Variants in TUT7 observed in about 807,000 individuals in gnomAD.
TUT7 encodes terminal uridylyl transferase 7, also known as terminal uridylyltransferase 7.
In TUT7, 33 loss-of-function variants were observed where a neutral mutation model predicts 165.9. The ratio of observed to expected loss-of-function variants is 0.20; its 90% CI spans 0.15 to 0.27. TUT7 has a LOEUF of 0.27. Ranked by LOEUF, TUT7 falls within the 10% of genes least tolerant of loss-of-function variation. The probability of loss-of-function intolerance (pLI) is 1.00; values close to 1 mark genes in which losing one functional copy is unlikely to be tolerated. For synonymous variants in TUT7, 552 were observed against 608.1 expected (o/e 0.91, Z 1.36); for missense variants, 1,338 against 1,762.3 (o/e 0.76, Z 4.31).
At chr9:86,309,842 T>C (rs1827858876) in intron 19 of TUT7, 86 bp downstream of exon 19, 2 of 1,330,026 alleles carry the variant, frequency 1.5e-6, no homozygotes, top group Non-Finnish European at 1.1e-6. Flanking sequence ...ATGACTACAG[T>C]TCATTAAAAA....
At position 86,322,465 on chromosome 9, in the gene TUT7, A is replaced by G. The variant is rs1829399961; in HGVS notation, c.2888T>C (p.Val963Ala). ...LIFTKGKSPT[V>A]VCSLCKREGH... is the part of the protein sequence containing the mutation. The stretch of plus-strand genomic sequence containing the variant: ...CTCTCGTTTGCATAAGCTGCACACT[A>G]CCGTAGGAGACTGCAGGAATATGGC... The change falls in exon 14 of 27, where the codon GTA becomes GCA. Residue 963 changes from valine (V) to alanine (A), a missense_variant. Val to Ala is a moderately conservative substitution (Grantham distance 64). Transcript: ENST00000375963. 6.2e-7 allele frequency: 1 copy of G among 1,609,024 alleles called. No individual in the cohort carries two copies. Among genetic ancestry groups the G allele is most frequent in the Non-Finnish European group, 8.5e-7 (1 of 1,178,708 alleles).
chr9:86,352,382 T>C (rs1473335155), intron 2 of TUT7, among the ~76,000 whole-genome samples: 1 of 152,246 alleles, frequency 6.6e-6, no homozygotes, highest in Non-Finnish European at 1.5e-5. Flanking sequence ...TATGGTCCCC[T>C]GGAGCATATA....
intron 17 of TUT7, 65 bp downstream of exon 17, chr9:86,317,154 G>A: frequency 2.1e-6 from 3 of 1,422,090 alleles, no homozygotes; most frequent in South Asian, 2.3e-5. Context: ...GGATACCAAG[G>A]GAAGACTATA....
Position 86,345,739 on chromosome 9 carries a change from TCA to T in TUT7, c.747_748del (p.Cys249Ter). The T allele has an allele frequency of 6.2e-7, 1 of 1,613,746 alleles. No homozygotes were observed. Among genetic ancestry groups the T allele is most frequent in the Non-Finnish European group, 8.5e-7 (1 of 1,179,796 alleles). On this transcript the variant is annotated stop_gained and frameshift_variant, in exon 4 of 27. Transcript: ENST00000375963. LOFTEE classifies it high-confidence loss of function. ...AAATGCAATGGATTCAATTAAAACA[TCA>T]CAGAGTCTGCAGGTGTACTTTGCTG...
At chr9:86,322,300 A>G (rs1564063928) in intron 14 of TUT7, 25 bp downstream of exon 14, 1 of 1,597,208 alleles carries the variant, frequency 6.3e-7, no homozygotes, top group Admixed American at 1.7e-5. Flanking sequence ...ATTTTGACAA[A>G]TCAAAAGAAA....
At chr9:86,335,894 A>G (rs942366325) in intron 10 of TUT7, among the ~76,000 whole-genome samples, 4 of 152,198 alleles carry the variant, frequency 2.6e-5, no homozygotes, top group African/African-American at 7.2e-5. Context: ...TTGAACAAAC[A>G]TGATCCAATC....
chr9:86,340,018 A>G lies in TUT7; in HGVS notation c.1208+18T>C, dbSNP rs373375484. Reference sequence around the variant, plus strand: ...GCAAGTTGAGAGTTAGTAAATAAACAGTTTAAAGAAATGAGACCTTTGCTT... The same window carrying G: ...GCAAGTTGAGAGTTAGTAAATAAACGGTTTAAAGAAATGAGACCTTTGCTT... On this transcript the variant is annotated intron_variant, in intron 8 of 26. Transcript: ENST00000375963. 31 of 1,606,200 alleles carry G rather than the reference A, an allele frequency of 1.9e-5. No individual in the cohort carries two copies. Among genetic ancestry groups the G allele is most frequent in the Non-Finnish European group, 2.2e-5 (26 of 1,173,026 alleles).
At position 86,338,211 on chromosome 9, in the gene TUT7, T is replaced by C. The variant is rs1053933259; in HGVS notation, c.1335+612A>G. Among the ~76,000 whole-genome samples, 98 of 136,938 alleles carry C rather than the reference T, an allele frequency of 7.2e-4. 1 individual carries two copies. The highest frequency in any genetic ancestry group is 2.6e-3 in the African/African-American group (93 of 36,034). The allele number at this position is 136,938 out of a possible 152,430, so 89.8% of individuals were successfully genotyped here. A position where few individuals can be genotyped will look rare whatever the true frequency, so the allele number is the denominator to read the frequency against. On this transcript the variant is annotated intron_variant, in intron 9 of 26. Transcript: ENST00000375963. ...TCTAAAAGCACATACATGGAATCTC[T>C]TTTTTTTTTTTTTTTTTTGAGACAG...
At position 86,323,374 on chromosome 9, in the gene TUT7, G is replaced by A; in HGVS notation, c.2376C>T (p.Phe792=). ...CACACTCTTTAGCTGTGGGATTTTG[G>A]AAGCCTTCTAAATCCAAAGTGCTCT... ...ESESTLDLEG[F]QNPTAKECEG... is the part of the protein sequence containing the mutation. The change falls in exon 13 of 27, where the codon TTC becomes TTT. Residue 792 remains phenylalanine (F), a synonymous_variant. Transcript: ENST00000375963. 6.2e-7 allele frequency: 1 copy of A among 1,614,028 alleles called. No individual in the cohort carries two copies. The highest frequency in any genetic ancestry group is 8.5e-7 in the Non-Finnish European group (1 of 1,180,012).
In TUT7 at chr9:86,322,399, A is replaced by T. The variant is rs1320129885; in HGVS notation, c.2954T>A (p.Ile985Asn). ...TAATGGTGGCAGAGGTTCTAGCTGG[A>T]TTCTTTTGAAGTCTTCAGGACAGTC... Reference protein sequence around the residue: ...KKDCPEDFKRIQLEPLPPLTP... With the variant: ...KKDCPEDFKRNQLEPLPPLTP... Residue 985 changes from isoleucine (I) to asparagine (N), a missense_variant, in exon 14 of 27, where the codon ATC becomes AAC. Physicochemically the swap from Ile to Asn is moderately radical, Grantham distance 149. Coordinates refer to ENST00000375963, the MANE Select transcript of TUT7 (RefSeq NM_024617.4). The T allele has an allele frequency of 3.1e-6, 5 of 1,614,030 alleles. No individual in the cohort carries two copies. Among genetic ancestry groups the T allele is most frequent in the Non-Finnish European group, 4.2e-6 (5 of 1,179,996 alleles).
intron 22 of TUT7, among the ~76,000 whole-genome samples, chr9:86,305,487 C>T (rs1223596325): frequency 6.6e-6 from 1 of 152,166 alleles, no homozygotes; most frequent in African/African-American, 2.4e-5. Context: ...TTTTCCACTA[C>T]ACTGTTCATC....
At chr9:86,292,281 AAGGAGT>A (rs1430875912) in intron 26 of TUT7, among the ~76,000 whole-genome samples, 1 of 152,110 alleles carries the variant, frequency 6.6e-6, no homozygotes, top group African/African-American at 2.4e-5. Flanking sequence ...AACATATGTT[AAGGAGT>A]ACATATGAAA....
Position 86,301,490 on chromosome 9 carries a change from C to T in TUT7, c.4206G>A (p.Glu1402=), listed in dbSNP as rs748574509. ...TGGGCTTATCTTCTTTTGTTGACAC[C>T]TCCCTTTCTGTGTACTTGTTGTGAA... is the stretch of plus-strand genomic sequence containing the variant. ...KEIHNKYTER[E]VSTKEDKPIQ... Residue 1402 remains glutamate (E), a synonymous_variant, in exon 26 of 27, where the codon GAG becomes GAA. Transcript: ENST00000375963. The T allele has an allele frequency of 5.0e-6, 8 of 1,613,924 alleles. No individual in the cohort carries two copies. In the African/African-American group the frequency reaches 1.1e-4, roughly 22 times the overall value.
Position 86,346,444 on chromosome 9 carries a change from C to T in TUT7, c.557G>A (p.Arg186Gln), listed in dbSNP as rs201715276. 146 of 1,613,984 alleles carry T rather than the reference C, an allele frequency of 9.0e-5. 1 individual carries two copies. In the East Asian group the frequency reaches 3.1e-3, roughly 34 times the overall value. The change falls in exon 3 of 27, where the codon CGG becomes CAG. Residue 186 changes from arginine (R) to glutamine (Q), a missense_variant. By Grantham distance (43) the Arg-to-Gln change is conservative. Coordinates refer to ENST00000375963, the MANE Select transcript of TUT7 (RefSeq NM_024617.4). ...CTCATTTTCCTCATTTCTAGTCTTCCGTGGCTTCCTAGGTCTGGACCTCTG... is the reference window on the plus strand; with the variant it reads ...CTCATTTTCCTCATTTCTAGTCTTCTGTGGCTTCCTAGGTCTGGACCTCTG... Reference protein sequence around the residue: ...KKQRSRPRKPRKTRNEENEQD... With the variant: ...KKQRSRPRKPQKTRNEENEQD...
At chr9:86,341,205 A>G in intron 6 of TUT7, 152 bp from the exon 7 acceptor site, 1 of 673,230 alleles carries the variant, frequency 1.5e-6, no homozygotes, top group South Asian at 1.6e-5. Context: ...TTGTTTGCAT[A>G]TGTCAGTCAA....
rs1564033881 is a variant in TUT7 at position 86,305,259 on chromosome 9, A to G, written c.3839-20T>C. ...AGGGATCTAAGCAAAAAAATTTAAG[A>G]GCAAATAAGGTAATCAAATAGAAAA... On this transcript the variant is annotated intron_variant, in intron 22 of 26. Coordinates refer to ENST00000375963, the MANE Select transcript of TUT7 (RefSeq NM_024617.4). 3 of 1,557,372 alleles carry G rather than the reference A, an allele frequency of 1.9e-6. No homozygotes were observed. Among genetic ancestry groups the G allele is most frequent in the Non-Finnish European group, 2.6e-6 (3 of 1,147,232 alleles).
At chr9:86,303,322 T>C (rs969839488) in intron 24 of TUT7, 121 bp from the exon 25 acceptor site, 20 of 529,446 alleles carry the variant, frequency 3.8e-5, no homozygotes, top group Non-Finnish European at 5.0e-5. Context: ...TTTTAATAAA[T>C]ATTATTTATA....
chr9:86,344,039 A>G (rs1301045810), intron 5 of TUT7, among the ~76,000 whole-genome samples: 1 of 152,218 alleles, frequency 6.6e-6, no homozygotes, highest in Non-Finnish European at 1.5e-5. Context: ...TACATGTATA[A>G]TAAAATGAGA....
chr9:86,325,439 A>T lies in TUT7; in HGVS notation c.1684T>A (p.Tyr562Asn), dbSNP rs759667515. ...TCAGCCAAATTAAATTCTAAAGCAT[A>T]GAACCGCAGCAATTCCACCCAGAGC... Reference protein sequence around the residue: ...GQLWVELLRFYALEFNLADLV... With the variant: ...GQLWVELLRFNALEFNLADLV... Residue 562 changes from tyrosine (Y) to asparagine (N), a missense_variant, in exon 12 of 27, where the codon TAT becomes AAT. Around this residue, in one of 7 missense-constraint regions of TUT7, gnomAD observed 28 missense variants for 69.4 expected, o/e 0.40. Coordinates refer to ENST00000375963, the MANE Select transcript of TUT7 (RefSeq NM_024617.4). The T allele has an allele frequency of 1.2e-6, 2 of 1,614,178 alleles. No individual in the cohort carries two copies. Among genetic ancestry groups the T allele is most frequent in the Non-Finnish European group, 1.7e-6 (2 of 1,180,014 alleles).
Sources: gnomAD v4.1 joint callset for allele counts (sites outside exome capture counted in the v4.1 genomes callset) on GRCh38, gnomAD v4.1.1 for gene constraint, gnomAD v4.1.1 regional missense constraint, MANE v1.5 for transcripts, NCBI Gene and HGNC (gene_info 2026-07-23, HGNC 2026-07-21) for gene names.